The following LSAMP variants were observed in gnomAD, a reference collection of about 807,000 sequenced individuals.
LSAMP encodes limbic system associated membrane protein.
A neutral mutation model predicts 38.6 loss-of-function variants in LSAMP; 7 were observed. The ratio of observed to expected loss-of-function variants is 0.18; its 90% CI spans 0.10 to 0.34. The LOEUF is 0.34. LSAMP is among the 10% of genes least tolerant of loss of function. The pLI, the probability that LSAMP is intolerant of heterozygous loss-of-function variation, is 1.00. For missense variants in LSAMP, 313 were observed against 420.0 expected (o/e 0.75, Z 2.23); for synonymous variants, 154 against 166.8 (o/e 0.92, Z 0.59).
intron 1 of LSAMP, among the ~76,000 whole-genome samples, chr3:116,436,359 T>G (rs1408863511): frequency 2.6e-5 from 4 of 152,154 alleles, no homozygotes; most frequent in African/African-American, 9.7e-5. Flanking sequence ...GGGACCTAAT[T>G]AAGCCAAAGA....
chr3:116,421,478 A>C (rs1159490765), intron 1 of LSAMP, among the ~76,000 whole-genome samples: 1 of 151,680 alleles, frequency 6.6e-6, no homozygotes, highest in Non-Finnish European at 1.5e-5. Context: ...CAGAGGGCAG[A>C]GGTTGCAGTG....
intron 1 of LSAMP, among the ~76,000 whole-genome samples, chr3:116,256,979 T>C (rs985384164): frequency 6.6e-6 from 1 of 152,216 alleles, no homozygotes; most frequent in Non-Finnish European, 1.5e-5. Context: ...GGGGCTGCTA[T>C]GCTTCGACTA....
At chr3:116,200,509 GCTTGCCAGA>G (rs1307728938) in intron 1 of LSAMP, among the ~76,000 whole-genome samples, 7 of 152,134 alleles carry the variant, frequency 4.6e-5, no homozygotes, top group African/African-American at 1.7e-4. Flanking sequence ...ACAAAGTCTA[GCTTGCCAGA>G]CTTGCTTCTC....
At chr3:116,021,790 T>C (rs1940644955) in intron 2 of LSAMP, among the ~76,000 whole-genome samples, 1 of 151,062 alleles carries the variant, frequency 6.6e-6, no homozygotes, top group South Asian at 2.1e-4. Context: ...GTGGTGCAAT[T>C]GACTCACAAT....
chr3:116,338,914 A>C (rs2047955516), intron 1 of LSAMP, among the ~76,000 whole-genome samples: 1 of 152,032 alleles, frequency 6.6e-6, no homozygotes, highest in Admixed American at 6.6e-5. Context: ...AACCATTCAC[A>C]GTAGAGTGAT....
chr3:116,011,402 T>C (rs574064195), intron 3 of LSAMP, among the ~76,000 whole-genome samples: 34 of 152,166 alleles, frequency 2.2e-4, no homozygotes, highest in Non-Finnish European at 4.1e-4. Flanking sequence ...AAAGCCAGAA[T>C]TGTGAAGGCC....
intron 1 of LSAMP, among the ~76,000 whole-genome samples, chr3:116,156,825 T>C (rs12695322): frequency 6.6e-6 from 1 of 151,884 alleles, no homozygotes; most frequent in African/African-American, 2.4e-5. Flanking sequence ...AAAATGTGGT[T>C]GGTTGTCTTA....
chr3:116,315,557 C>T (rs2107722438), intron 1 of LSAMP, among the ~76,000 whole-genome samples: 1 of 152,174 alleles, frequency 6.6e-6, no homozygotes, highest in South Asian at 2.1e-4. Flanking sequence ...CAGTAGCCTG[C>T]CTTTAAATAA....
In LSAMP at chr3:115,993,015, G is replaced by A. The variant is rs185496877; in HGVS notation, c.514+26500C>T. The stretch of plus-strand genomic sequence containing the variant: ...ATTTGTTTTCAGCTTTCTGAAGTTC[G>A]ATATTGCATAGACATCTGGCTTCAA... On this transcript the variant is annotated intron_variant, in intron 3 of 6. Coordinates refer to ENST00000490035, the MANE Select transcript of LSAMP (RefSeq NM_002338.5). 9.9e-5 allele frequency among the ~76,000 whole-genome samples: 15 copies of A among 152,186 alleles called. No individual in the cohort carries two copies. In the East Asian group the frequency reaches 2.9e-3, roughly 29 times the overall value.
At chr3:116,175,000 T>C (rs2107559810) in intron 1 of LSAMP, among the ~76,000 whole-genome samples, 1 of 152,204 alleles carries the variant, frequency 6.6e-6, no homozygotes, top group East Asian at 1.9e-4. Context: ...CTCAAATGTC[T>C]CCTCCATCAA....
chr3:116,086,242 G>A, intron 2 of LSAMP, 82 bp downstream of exon 2: 2 of 1,071,784 alleles, frequency 1.9e-6, no homozygotes, highest in Non-Finnish European at 1.4e-6. Context: ...TTTTCAGGAA[G>A]GATTCTGCAA....
At chr3:116,036,520 T>G (rs1941049057) in intron 2 of LSAMP, among the ~76,000 whole-genome samples, 1 of 152,178 alleles carries the variant, frequency 6.6e-6, no homozygotes, top group Non-Finnish European at 1.5e-5. Flanking sequence ...CTTCACTGCC[T>G]GTCAGGCATT....
intron 1 of LSAMP, among the ~76,000 whole-genome samples, chr3:116,345,729 AT>A (rs1190880472): frequency 6.6e-6 from 1 of 152,170 alleles, no homozygotes; most frequent in Non-Finnish European, 1.5e-5. Flanking sequence ...AAAAAAATAT[AT>A]TTTGTTAATA....
intron 1 of LSAMP, among the ~76,000 whole-genome samples, chr3:116,273,808 T>TC (rs560984470): frequency 2.4e-4 from 31 of 130,758 alleles, no homozygotes; most frequent in African/African-American, 9.9e-4. Context: ...TCTCTTTTTC[T>TC]TTCTTTCTCT....
intron 1 of LSAMP, among the ~76,000 whole-genome samples, chr3:116,116,938 C>T (rs969176858): frequency 6.6e-6 from 1 of 152,074 alleles, no homozygotes; most frequent in African/African-American, 2.4e-5. Flanking sequence ...CCAGAACCAG[C>T]CCACCATGGG....
intron 3 of LSAMP, among the ~76,000 whole-genome samples, chr3:115,900,206 C>T (rs971856429): frequency 2.0e-5 from 3 of 152,092 alleles, no homozygotes; most frequent in African/African-American, 7.2e-5. Flanking sequence ...AAACTAAGAG[C>T]TTCATTTAAG....
chr3:116,024,448 T>C lies in LSAMP; in HGVS notation c.389-4808A>G, dbSNP rs79993405. Among the ~76,000 whole-genome samples the C allele has an allele frequency of 3.8e-3, 584 of 152,322 alleles. 10 individuals are homozygous for C. Among genetic ancestry groups the C allele is most frequent in the East Asian group, 0.025 (130 of 5,172 alleles). On this transcript the variant is annotated intron_variant, in intron 2 of 6. Transcript: ENST00000490035. ...ACCCCTTTAGTCATCTATTTCACTA[T>C]CAACTTATTTGACTCAATAAAAAAT...
At chr3:116,086,711 T>C in intron 1 of LSAMP, 155 bp from the exon 2 acceptor site, 1 of 647,722 alleles carries the variant, frequency 1.5e-6, no homozygotes, top group East Asian at 2.7e-5. Flanking sequence ...GAATTTTCAC[T>C]ATTTCATTTA....
Position 116,331,623 on chromosome 3 carries a change from G to A in LSAMP, c.155+113254C>T, listed in dbSNP as rs566875539. On this transcript the variant is annotated intron_variant, in intron 1 of 6. Coordinates refer to ENST00000490035, the MANE Select transcript of LSAMP (RefSeq NM_002338.5). ...CATGTCCAAATAAATGAAATCTAAG[G>A]AATTTCCTTACCCGTAGAACTGCCC... 1.1e-4 allele frequency among the ~76,000 whole-genome samples: 16 copies of A among 152,228 alleles called. No individual in the cohort carries two copies. The South Asian group carries it at 1.9e-3, about 18-fold the overall frequency.
Sources: gnomAD v4.1 joint callset for allele counts (sites outside exome capture counted in the v4.1 genomes callset) on GRCh38, gnomAD v4.1.1 for gene constraint, MANE v1.5 for transcripts, NCBI Gene and HGNC (gene_info 2026-07-23, HGNC 2026-07-21) for gene names.